The following MYOT variants were observed in gnomAD, a reference collection of about 807,000 sequenced individuals.
MYOT encodes the protein 57 kDa cytoskeletal protein.
In MYOT, 36 loss-of-function variants were observed where a neutral mutation model predicts 58.0. That is an observed-to-expected ratio of 0.62 (90% CI 0.48 to 0.82). The LOEUF is 0.82. Among genes scored for constraint, MYOT ranks in the 40% least tolerant of loss-of-function variants. The pLI, the probability that MYOT is intolerant of heterozygous loss-of-function variation, is 0.00. For missense variants in MYOT, 505 were observed against 592.1 expected (o/e 0.85, Z 1.53); for synonymous variants, 218 against 204.6 (o/e 1.07, Z -0.56).
intron 1 of MYOT, among the ~76,000 whole-genome samples, chr5:137,869,304 A>G (rs1402438705): frequency 2.0e-5 from 3 of 152,348 alleles, no homozygotes; most frequent in East Asian, 1.9e-4. Context: ...GATATTTTCA[A>G]TGAAAACAGG....
rs1580869819 is a variant in MYOT at position 137,887,717 on chromosome 5, T to A, written c.*332T>A. 1.2e-5 allele frequency: 2 copies of A among 167,756 alleles called. No individual in the cohort carries two copies. The highest frequency in any genetic ancestry group is 2.5e-5 in the Non-Finnish European group (2 of 79,460). The allele number at this position is 167,756 out of a possible 1,614,324, so 10.4% of individuals were successfully genotyped here. A position where few individuals can be genotyped will look rare whatever the true frequency, so the allele number is the denominator to read the frequency against. ...TTTTAAACACATCTAATGCTTGTAA[T>A]AACGTTTACTGGTACTGCTTTCTAA... On this transcript the variant is annotated 3_prime_UTR_variant, in exon 10 of 10. Coordinates refer to ENST00000239926, the MANE Select transcript of MYOT (RefSeq NM_006790.3).
intron 1 of MYOT, among the ~76,000 whole-genome samples, chr5:137,868,761 C>T (rs1329995032): frequency 6.7e-6 from 1 of 148,236 alleles, no homozygotes; most frequent in Non-Finnish European, 1.5e-5. Flanking sequence ...TTCAATTCTG[C>T]AACAGACTGA....
At chr5:137,886,532 A>G (rs193162088) in intron 8 of MYOT, among the ~76,000 whole-genome samples, 92 of 152,272 alleles carry the variant, frequency 6.0e-4, no homozygotes, top group Non-Finnish European at 1.2e-3. Flanking sequence ...CTTTACAAAA[A>G]GCTTCAGCCT....
chr5:137,874,297 T>A (rs886336739), intron 2 of MYOT, among the ~76,000 whole-genome samples: 2 of 151,950 alleles, frequency 1.3e-5, no homozygotes, highest in African/African-American at 4.8e-5. Flanking sequence ...CAAAACCCCG[T>A]CTCTACTAAA....
At chr5:137,873,223 T>TAA (rs35417774) in intron 2 of MYOT, among the ~76,000 whole-genome samples, 41 of 145,358 alleles carry the variant, frequency 2.8e-4, no homozygotes, top group Admixed American at 1.3e-3. Flanking sequence ...CTAGCATTTT[T>TAA]AAAAAAAAAA....
intron 9 of MYOT, 41 bp downstream of exon 9, chr5:137,887,038 C>G: frequency 6.3e-7 from 1 of 1,587,892 alleles, no homozygotes; most frequent in South Asian, 1.1e-5. Flanking sequence ...AGGGATTTAA[C>G]TAGGAAGATT....
rs538339394 is a variant in MYOT, at chr5:137,882,452, CTT to C, written c.816+360_816+361del. ...AATATAATTTTTAAAGTACAATGCCCTTTTTTTTTTTTTTGAGACAGGGTCTT... is the reference window on the plus strand; with the variant it reads ...AATATAATTTTTAAAGTACAATGCCCTTTTTTTTTTTTGAGACAGGGTCTT... On this transcript the variant is annotated intron_variant, in intron 6 of 9. Transcript: ENST00000239926. 7.2e-3 allele frequency among the ~76,000 whole-genome samples: 1,031 copies of C among 144,086 alleles called. 12 individuals are homozygous for C. Among genetic ancestry groups the C allele is most frequent in the African/African-American group, 0.024 (950 of 39,586 alleles). 94.5% of individuals were successfully genotyped at this position (144,086 alleles called of 152,430 possible).
chr5:137,870,020 G>A (rs1754989089), intron 1 of MYOT, among the ~76,000 whole-genome samples: 1 of 151,564 alleles, frequency 6.6e-6, no homozygotes, highest in South Asian at 2.1e-4. Flanking sequence ...TGGGTGCGGG[G>A]GCTCATACCT....
intron 6 of MYOT, chr5:137,882,674 C>CTTTGGG (rs1755474823): frequency 6.1e-6 from 1 of 162,636 alleles, no homozygotes; most frequent in Non-Finnish European, 1.3e-5. Flanking sequence ...GCTGGGATTA[C>CTTTGGG]AGGCGTGAGC....
At position 137,877,117 on chromosome 5, in the gene MYOT, C is replaced by T. The variant is rs570768844; in HGVS notation, c.532-403C>T. Among the ~76,000 whole-genome samples the T allele has an allele frequency of 2.6e-5, 4 of 151,368 alleles. No homozygotes were observed. The East Asian group carries it at 7.8e-4, about 29-fold the overall frequency. On this transcript the variant is annotated intron_variant, in intron 3 of 9. Coordinates refer to ENST00000239926, the MANE Select transcript of MYOT (RefSeq NM_006790.3). ...AGCGCAGTGGCTCACGCCTATAATC[C>T]CAGCACTTGGGGAGGCCGAGGCGGG...
At chr5:137,878,219 T>C (rs1350998723) in intron 4 of MYOT, among the ~76,000 whole-genome samples, 1 of 151,284 alleles carries the variant, frequency 6.6e-6, no homozygotes, top group Non-Finnish European at 1.5e-5. Flanking sequence ...GATCGATTTT[T>C]TTTTTTTTTT....
intron 8 of MYOT, chr5:137,886,662 A>T: frequency 1.6e-6 from 1 of 621,546 alleles, no homozygotes; most frequent in South Asian, 1.6e-5. Context: ...AGGGACCATC[A>T]GGGGACAGAT....
chr5:137,877,285 G>A (rs1271496288), intron 3 of MYOT, among the ~76,000 whole-genome samples: 2 of 148,476 alleles, frequency 1.3e-5, no homozygotes, highest in African/African-American at 5.0e-5. Flanking sequence ...GGAGAATGGC[G>A]TGAACCCAGG....
At chr5:137,868,983 T>C (rs1187721256) in intron 1 of MYOT, among the ~76,000 whole-genome samples, 2 of 152,216 alleles carry the variant, frequency 1.3e-5, no homozygotes, top group Non-Finnish European at 2.9e-5. Flanking sequence ...AGCGTCTTTC[T>C]CTTGGCTGTT....
intron 6 of MYOT, chr5:137,883,076 T>C (rs1344839225): frequency 6.0e-6 from 2 of 334,926 alleles, no homozygotes; most frequent in African/African-American, 4.3e-5. Flanking sequence ...ATGACTTCTA[T>C]ATTCCTTATG....
At position 137,870,936 on chromosome 5, in the gene MYOT, C is replaced by A. The variant is rs1366126343; in HGVS notation, c.285C>A (p.Ser95Arg). The A allele has an allele frequency of 1.2e-6, 2 of 1,614,242 alleles. No homozygotes were observed. Among genetic ancestry groups the A allele is most frequent in the Non-Finnish European group, 1.7e-6 (2 of 1,180,042 alleles). The change falls in exon 2 of 10, where the codon AGC (serine) becomes AGA (arginine). Residue 95 changes from serine to arginine, a missense_variant. By Grantham distance (110) the Ser-to-Arg change is moderately radical (BLOSUM62 -1). Transcript: ENST00000239926. ...CCACCTATAACCAGTCCCCAGCCAG[C>A]TTCCTCAGCTCCATATTACCATCAC... is the stretch of plus-strand genomic sequence containing the variant. ...VTTTYNQSPA[S>R]FLSSILPSQP...
Position 137,878,040 on chromosome 5 carries a change from T to C in MYOT, c.633+419T>C, listed in dbSNP as rs567996838. Reference sequence around the variant, plus strand: ...AACATTTCAATGTTTTAAAATATACTTGTGGTACTAATGAAACATCCAATT... The same window carrying C: ...AACATTTCAATGTTTTAAAATATACCTGTGGTACTAATGAAACATCCAATT... On this transcript the variant is annotated intron_variant, in intron 4 of 9. Transcript: ENST00000239926. Among the ~76,000 whole-genome samples, 3 of 152,304 alleles carry C rather than the reference T, an allele frequency of 2.0e-5. No homozygotes were observed. In the South Asian group the frequency reaches 6.2e-4, roughly 32 times the overall value.
chr5:137,870,548 C>T lies in MYOT; in HGVS notation c.-104C>T, dbSNP rs1755012604. The stretch of plus-strand genomic sequence containing the variant: ...AAGGTTGCTTCTGATTCCTTACAAC[C>T]TTCCGTAATTCCAGGCTTGTGGCCC... On this transcript the variant is annotated 5_prime_UTR_variant, in exon 2 of 10. Transcript: ENST00000239926. The T allele has an allele frequency of 2.9e-6, 3 of 1,018,792 alleles. No individual in the cohort carries two copies. The African/African-American group carries it at 4.7e-5, about 16-fold the overall frequency. The allele number at this position is 1,018,792 out of a possible 1,614,324, so 63.1% of individuals were successfully genotyped here. A position where few individuals can be genotyped will look rare whatever the true frequency, so the allele number is the denominator to read the frequency against.
intron 3 of MYOT, among the ~76,000 whole-genome samples, chr5:137,877,284 C>T (rs891164330): frequency 3.4e-5 from 5 of 145,444 alleles, no homozygotes; most frequent in African/African-American, 1.0e-4. Flanking sequence ...AGGAGAATGG[C>T]GTGAACCCAG....
Sources: gnomAD v4.1 joint callset for allele counts (sites outside exome capture counted in the v4.1 genomes callset) on GRCh38, gnomAD v4.1.1 for gene constraint, MANE v1.5 for transcripts, NCBI Gene and HGNC (gene_info 2026-07-23, HGNC 2026-07-21) for gene names.